MAD1L1: variants seen among roughly 807,000 people sequenced by gnomAD.
The protein encoded by MAD1L1 is mitotic spindle assembly checkpoint protein MAD1.
A neutral mutation model predicts 96.9 loss-of-function variants in MAD1L1; 95 were observed. The observed-to-expected ratio is 0.98, with a 90% confidence interval of 0.83 to 1.16. The LOEUF (loss-of-function observed/expected upper bound fraction) is 1.16. Among genes scored for constraint, MAD1L1 ranks in the 50% most tolerant of loss-of-function variants. The probability of loss-of-function intolerance (pLI) is 0.00; values close to 1 mark genes in which losing one functional copy is unlikely to be tolerated. For synonymous variants in MAD1L1, 473 were observed against 396.6 expected, an observed-to-expected ratio of 1.19 and a Z score of -2.29; for missense variants, 1,007 against 954.4, an observed-to-expected ratio of 1.06 and a Z score of -0.73.
At chr7:1,889,996 G>A (rs1041473169) in intron 18 of MAD1L1, among the ~76,000 whole-genome samples, 2 of 152,160 alleles carry the variant, frequency 1.3e-5, no homozygotes, top group Non-Finnish European at 2.9e-5. Context: ...GAAGGCAGCT[G>A]GGAGGTGGAG....
chr7:2,138,305 G>A (rs3778997), intron 11 of MAD1L1, among the ~76,000 whole-genome samples: 6 of 152,184 alleles, frequency 3.9e-5, no homozygotes, highest in East Asian at 1.9e-4. Flanking sequence ...CCTGGCCACC[G>A]TCCTGGCTGC....
At chr7:2,080,952 GCCTCATTAAC>G (rs754579333) in intron 11 of MAD1L1, among the ~76,000 whole-genome samples, 120 of 152,186 alleles carry the variant, frequency 7.9e-4, no homozygotes, top group Non-Finnish European at 1.1e-3. Context: ...TTATATCTTG[GCCTCATTAAC>G]CCTCAGCTGC....
intron 10 of MAD1L1, 78 bp from the exon 11 acceptor site, chr7:2,149,316 C>A: frequency 9.0e-7 from 1 of 1,111,194 alleles, no homozygotes; most frequent in Non-Finnish European, 1.4e-6. Context: ...AACAGAAGGC[C>A]AAAAGCAACC....
intron 14 of MAD1L1, 88 bp from the exon 15 acceptor site, chr7:1,980,629 C>T (rs982858189): frequency 6.9e-6 from 7 of 1,020,692 alleles, no homozygotes; most frequent in Non-Finnish European, 1.1e-5. Context: ...GAGACCACCC[C>T]TGGCAGCACC....
At chr7:1,869,547 C>T (rs1011456723) in intron 18 of MAD1L1, among the ~76,000 whole-genome samples, 1 of 152,154 alleles carries the variant, frequency 6.6e-6, no homozygotes, top group Non-Finnish European at 1.5e-5. Context: ...TTCTCTCCAA[C>T]CTCAGTATCA....
At chr7:2,225,798 GGCCTCGAAT>G (rs1562390392) in intron 3 of MAD1L1, among the ~76,000 whole-genome samples, 1 of 152,230 alleles carries the variant, frequency 6.6e-6, no homozygotes, top group African/African-American at 2.4e-5. Flanking sequence ...TGAAGGCAAC[GGCCTCGAAT>G]GCCACCCATT....
At chr7:1,822,212 A>G (rs1782162225) in intron 18 of MAD1L1, among the ~76,000 whole-genome samples, 1 of 152,094 alleles carries the variant, frequency 6.6e-6, no homozygotes, top group Non-Finnish European at 1.5e-5. Context: ...AGGCAATATA[A>G]TTTACAGAAC....
Position 1,936,871 on chromosome 7 carries a change from T to C in MAD1L1, c.1623A>G (p.Lys541=), listed in dbSNP as rs1446093574. 1.2e-6 allele frequency: 2 copies of C among 1,604,378 alleles called. No homozygotes were observed. Among genetic ancestry groups the C allele is most frequent in the African/African-American group, 1.3e-5 (1 of 74,840 alleles). ...TGGGGTTCAGGCTCATGTGCAGCAC[T>C]TTGGTCCTGCTCTGGTCATAGTCAC... ...LQGDYDQSRT[K]VLHMSLNPTS... is the part of the protein sequence containing the mutation. The change falls in exon 17 of 19, where the codon AAA becomes AAG. Residue 541 remains lysine, a synonymous_variant. Transcript: ENST00000265854.
intron 12 of MAD1L1, among the ~76,000 whole-genome samples, chr7:2,051,505 T>TC (rs1472314238): frequency 6.6e-6 from 1 of 152,030 alleles, no homozygotes; most frequent in Non-Finnish European, 1.5e-5. Flanking sequence ...GCAGGCAAGA[T>TC]CCAAGACGTT....
intron 12 of MAD1L1, among the ~76,000 whole-genome samples, chr7:2,031,626 G>A (rs971306846): frequency 1.3e-5 from 2 of 152,236 alleles, no homozygotes; most frequent in African/African-American, 4.8e-5. Context: ...TGGGTGCCGT[G>A]CACATCTGGG....
chr7:1,886,825 G>C (rs949947461), intron 18 of MAD1L1, among the ~76,000 whole-genome samples: 1 of 152,256 alleles, frequency 6.6e-6, no homozygotes. Flanking sequence ...AGTGAGCACA[G>C]GTCTGTGGCC....
chr7:1,863,703 T>C (rs1397890038), intron 18 of MAD1L1, among the ~76,000 whole-genome samples: 1 of 152,190 alleles, frequency 6.6e-6, no homozygotes, highest in African/African-American at 2.4e-5. Flanking sequence ...CTGGAGCTCC[T>C]GGGTGGAGGG....
intron 14 of MAD1L1, among the ~76,000 whole-genome samples, chr7:1,984,586 A>C (rs1781061326): frequency 6.6e-6 from 1 of 152,168 alleles, no homozygotes; most frequent in Admixed American, 6.5e-5. Context: ...AACCCATCTG[A>C]ACCTCACTGT....
At chr7:1,918,592 G>A (rs1017851709) in intron 17 of MAD1L1, among the ~76,000 whole-genome samples, 1 of 152,158 alleles carries the variant, frequency 6.6e-6, no homozygotes, top group Non-Finnish European at 1.5e-5. Flanking sequence ...CCTCTACCCC[G>A]CTCACCTGCA....
chr7:1,910,485 C>T (rs960051499), intron 17 of MAD1L1, among the ~76,000 whole-genome samples: 12 of 152,240 alleles, frequency 7.9e-5, no homozygotes, highest in Admixed American at 4.6e-4. Context: ...CTTGAACACC[C>T]GCCGCGGAGC....
chr7:1,826,853 G>A (rs1422506523), intron 18 of MAD1L1, among the ~76,000 whole-genome samples: 4 of 152,222 alleles, frequency 2.6e-5, no homozygotes, highest in African/African-American at 4.8e-5. Context: ...TTATACCAGC[G>A]TTATTGGGGT....
chr7:2,009,946 C>G (rs1212368792), intron 13 of MAD1L1, among the ~76,000 whole-genome samples: 1 of 152,152 alleles, frequency 6.6e-6, no homozygotes, highest in African/African-American at 2.4e-5. Flanking sequence ...GGGAATGGAG[C>G]CAGCACCTCG....
At chr7:1,958,966 CAG>C (rs1779841889) in intron 15 of MAD1L1, among the ~76,000 whole-genome samples, 1 of 152,166 alleles carries the variant, frequency 6.6e-6, no homozygotes, top group Non-Finnish European at 1.5e-5. Context: ...AAACAAAACA[CAG>C]AGGCCAGGCA....
At chr7:1,951,611 C>T (rs1779498549) in intron 16 of MAD1L1, among the ~76,000 whole-genome samples, 1 of 152,204 alleles carries the variant, frequency 6.6e-6, no homozygotes, top group African/African-American at 2.4e-5. Flanking sequence ...CCAGCCCCAG[C>T]CCCTGGCACC....
Sources: gnomAD v4.1 joint callset for allele counts (sites outside exome capture counted in the v4.1 genomes callset) on GRCh38, gnomAD v4.1.1 for gene constraint, MANE v1.5 for transcripts, NCBI Gene and HGNC (gene_info 2026-07-23, HGNC 2026-07-21) for gene names.